The following UNC13C variants were observed in gnomAD, a reference collection of about 807,000 sequenced individuals.
UNC13C encodes the protein unc-13 homolog C, also known as protein unc-13 homolog C.
A neutral mutation model predicts 245.4 loss-of-function variants in UNC13C; 174 were observed. The observed-to-expected ratio is 0.71, with a 90% CI of 0.63 to 0.80. UNC13C has a LOEUF of 0.80. UNC13C is among the 30% of genes least tolerant of loss of function. UNC13C has a pLI of 0.00. For synonymous variants in UNC13C, 992 were observed against 895.1 expected (o/e 1.11, Z -1.93); for missense variants, 2,829 against 2,602.9 (o/e 1.09, Z -1.89).
At chr15:53,897,175 A>G in the UNC13C span, among the ~76,000 whole-genome samples, 1 of 152,180 alleles carries the variant, frequency 6.6e-6, no homozygotes, top group Non-Finnish European at 1.5e-5. Context: ...GAGGTCAAGG[A>G]CTTGGTCTTT....
chr15:54,504,860 G>C (rs1455481277), intron 22 of UNC13C, among the ~76,000 whole-genome samples: 1 of 152,120 alleles, frequency 6.6e-6, no homozygotes, highest in Non-Finnish European at 1.5e-5. Flanking sequence ...ACTCCTAACA[G>C]GGTGGCATTA....
chr15:53,952,803 A>G, the UNC13C span, among the ~76,000 whole-genome samples: 1 of 152,228 alleles, frequency 6.6e-6, no homozygotes, highest in African/African-American at 2.4e-5. Flanking sequence ...CTTCTTACTT[A>G]AAGTATACAG....
intron 32 of UNC13C, among the ~76,000 whole-genome samples, chr15:54,625,454 C>T (rs1901073611): frequency 1.3e-5 from 2 of 152,004 alleles, no homozygotes; most frequent in African/African-American, 4.8e-5. Context: ...AGCAATTTAC[C>T]AAGATGGAAG....
the UNC13C span, among the ~76,000 whole-genome samples, chr15:53,859,401 A>G: frequency 6.6e-6 from 1 of 152,186 alleles, no homozygotes; most frequent in African/African-American, 2.4e-5. Context: ...GACTACTGAA[A>G]TTACAAGAAA....
chr15:54,156,396 C>T (rs534455326), intron 4 of UNC13C, among the ~76,000 whole-genome samples: 1 of 152,286 alleles, frequency 6.6e-6, no homozygotes, highest in African/African-American at 2.4e-5. Flanking sequence ...TGAGAATCAT[C>T]TGTATAAATC....
intron 2 of UNC13C, among the ~76,000 whole-genome samples, chr15:54,055,411 T>A (rs1318496995): frequency 6.6e-6 from 1 of 152,172 alleles, no homozygotes; most frequent in Non-Finnish European, 1.5e-5. Context: ...CTTGAAAAAA[T>A]ATATTTCTTG....
At chr15:54,546,516 A>C (rs192871432) in intron 26 of UNC13C, among the ~76,000 whole-genome samples, 1 of 152,306 alleles carries the variant, frequency 6.6e-6, no homozygotes, top group East Asian at 1.9e-4. Context: ...TTAGAAAACA[A>C]CGTAAGAAAA....
intron 10 of UNC13C, among the ~76,000 whole-genome samples, chr15:54,270,647 C>T (rs2036663009): frequency 6.6e-6 from 1 of 151,624 alleles, no homozygotes. Context: ...CAAGGGAGAA[C>T]CAATGAATAG....
intron 24 of UNC13C, among the ~76,000 whole-genome samples, chr15:54,521,548 T>A (rs2141132307): frequency 6.6e-6 from 1 of 152,312 alleles, no homozygotes; most frequent in African/African-American, 2.4e-5. Context: ...CAATTGCTGC[T>A]GTAAGAGAAT....
intron 1 of UNC13C, among the ~76,000 whole-genome samples, chr15:53,979,896 G>A (rs2140944333): frequency 6.6e-6 from 1 of 152,168 alleles, no homozygotes; most frequent in East Asian, 1.9e-4. Flanking sequence ...TCATAAAAGT[G>A]GGTTAAATTG....
chr15:54,059,952 A>C (rs563418943), intron 2 of UNC13C, among the ~76,000 whole-genome samples: 1 of 152,228 alleles, frequency 6.6e-6, no homozygotes, highest in East Asian at 1.9e-4. Context: ...CTTATACCTT[A>C]TACAAAAATT....
chr15:54,388,501 T>G (rs1489411468), intron 17 of UNC13C, among the ~76,000 whole-genome samples: 2 of 152,192 alleles, frequency 1.3e-5, no homozygotes, highest in African/African-American at 2.4e-5. Flanking sequence ...CAGTACACTG[T>G]GCACCACCTC....
chr15:54,471,272 A>G (rs1892448380), intron 19 of UNC13C, among the ~76,000 whole-genome samples: 1 of 151,466 alleles, frequency 6.6e-6, no homozygotes, highest in South Asian at 2.1e-4. Context: ...TGGGTTATCT[A>G]TCTATTGTTG....
intron 19 of UNC13C, among the ~76,000 whole-genome samples, chr15:54,450,580 A>C (rs1157971688): frequency 6.6e-6 from 1 of 152,192 alleles, no homozygotes; most frequent in African/African-American, 2.4e-5. Context: ...CAGACGTGGG[A>C]TATAATCTCC....
chr15:54,269,185 C>G (rs774294503), intron 10 of UNC13C, among the ~76,000 whole-genome samples: 4 of 152,054 alleles, frequency 2.6e-5, no homozygotes, highest in Non-Finnish European at 5.9e-5. Context: ...CTGAAGTAAT[C>G]ATAGGGCTCA....
chr15:54,473,292 G>GTAA (rs1892558487), intron 19 of UNC13C, among the ~76,000 whole-genome samples: 2 of 151,860 alleles, frequency 1.3e-5, no homozygotes, highest in African/African-American at 4.8e-5. Context: ...CATACAAAGA[G>GTAA]TAATGATCAA....
the UNC13C span, among the ~76,000 whole-genome samples, chr15:53,850,288 AC>A: frequency 1.3e-5 from 2 of 152,002 alleles, no homozygotes; most frequent in Non-Finnish European, 2.9e-5. Context: ...GGTGGCATGC[AC>A]CTATGGTCCC....
chr15:54,252,241 C>CA (rs145161342), intron 8 of UNC13C, among the ~76,000 whole-genome samples: 3,864 of 152,222 alleles, frequency 0.025, 158 homozygotes, highest in African/African-American at 0.089. Flanking sequence ...GAAATGAATT[C>CA]TTCTTCTAGT....
chr15:54,105,117 T>C (rs1900371206), intron 2 of UNC13C, among the ~76,000 whole-genome samples: 1 of 152,206 alleles, frequency 6.6e-6, no homozygotes. Context: ...AGTTCAATAG[T>C]TCTTATACAG....
Sources: gnomAD v4.1 joint callset for allele counts (sites outside exome capture counted in the v4.1 genomes callset) on GRCh38, gnomAD v4.1.1 for gene constraint, MANE v1.5 for transcripts, NCBI Gene and HGNC (gene_info 2026-07-23, HGNC 2026-07-21) for gene names.